The following MAN2A1 variants were observed in gnomAD, a reference collection of about 807,000 sequenced individuals.
MAN2A1 encodes alpha-mannosidase 2.
Under a neutral mutation model 142.6 loss-of-function variants are expected in MAN2A1, and 76 were observed. The observed-to-expected ratio is 0.53, with a 90% CI of 0.44 to 0.65. MAN2A1 has a LOEUF of 0.65. Ranked by LOEUF, MAN2A1 falls within the 30% of genes least tolerant of loss-of-function variation. The probability of loss-of-function intolerance (pLI) is 0.00; values close to 1 mark genes in which losing one functional copy is unlikely to be tolerated. For synonymous variants in MAN2A1, 559 were observed against 473.2 expected (o/e 1.18, Z -2.35); for missense variants, 1,311 against 1,365.1 (o/e 0.96, Z 0.62).
At chr5:109,748,148 A>G (rs1582854772) in intron 4 of MAN2A1, among the ~76,000 whole-genome samples, 1 of 152,108 alleles carries the variant, frequency 6.6e-6, no homozygotes. Flanking sequence ...TTTCTGACTT[A>G]TTTTCAGTGA....
At chr5:109,800,517 A>C (rs7728733) in intron 12 of MAN2A1, among the ~76,000 whole-genome samples, 117,250 of 152,130 alleles carry the variant, frequency 0.77, 46,150 homozygotes, top group East Asian at 0.94. Flanking sequence ...GAACTCTGGA[A>C]AAGGACGTGC....
chr5:109,700,473 C>CA (rs886479539), intron 1 of MAN2A1, among the ~76,000 whole-genome samples: 2 of 152,088 alleles, frequency 1.3e-5, no homozygotes, highest in African/African-American at 4.8e-5. Flanking sequence ...AGGAATGTGG[C>CA]ATTTATGGGT....
chr5:109,784,901 T>G lies in MAN2A1; in HGVS notation c.1735T>G (p.Trp579Gly). The change falls in exon 10 of 22, where the codon TGG becomes GGG. Residue 579 changes from tryptophan to glycine, a missense_variant. By Grantham distance (184) the Trp-to-Gly change is radical (BLOSUM62 -2). Coordinates refer to ENST00000261483, the MANE Select transcript of MAN2A1 (RefSeq NM_002372.4). ...TGCTATCACAGGAACTGCAAAAGAC[T>G]GGGTGGTTGTGGATTATGGTACCAG... is the stretch of plus-strand genomic sequence containing the variant. Reference protein sequence around the residue: ...HDAITGTAKDWVVVDYGTRLF... With the variant: ...HDAITGTAKDGVVVDYGTRLF... The G allele has an allele frequency of 2.1e-5, 33 of 1,598,068 alleles. No individual in the cohort carries two copies. The highest frequency in any genetic ancestry group is 2.6e-5 in the Non-Finnish European group (30 of 1,175,590).
intron 7 of MAN2A1, among the ~76,000 whole-genome samples, chr5:109,773,226 G>C (rs1225097419): frequency 6.6e-6 from 1 of 152,092 alleles, no homozygotes; most frequent in African/African-American, 2.4e-5. Context: ...TGGTTACTTG[G>C]CTTTCCCAGT....
At position 109,842,986 on chromosome 5, in the gene MAN2A1, A is replaced by G. The variant is rs1580309617; in HGVS notation, c.2700+525A>G. On this transcript the variant is annotated intron_variant, in intron 17 of 21. Coordinates refer to ENST00000261483, the MANE Select transcript of MAN2A1 (RefSeq NM_002372.4). ...ACACCCAGCTAATTTTTGTATTTTT[A>G]GCAGAGACACGGTTTCACCATGTTG... Among the ~76,000 whole-genome samples the G allele has an allele frequency of 2.0e-5, 3 of 151,748 alleles. No individual in the cohort carries two copies. In the East Asian group the frequency reaches 5.8e-4, roughly 30 times the overall value.
chr5:109,693,018 C>T (rs943607677), intron 1 of MAN2A1, among the ~76,000 whole-genome samples: 2 of 152,134 alleles, frequency 1.3e-5, no homozygotes, highest in African/African-American at 4.8e-5. Flanking sequence ...CCACTCACCT[C>T]CTGCTGTGTG....
intron 15 of MAN2A1, 84 bp downstream of exon 15, chr5:109,820,426 T>C: frequency 7.6e-7 from 1 of 1,309,916 alleles, no homozygotes; most frequent in Non-Finnish European, 1.1e-6. Context: ...TGTCATTATT[T>C]TATCATCTGT....
intron 12 of MAN2A1, among the ~76,000 whole-genome samples, chr5:109,792,944 T>G (rs538902920): frequency 1.3e-5 from 2 of 152,082 alleles, no homozygotes; most frequent in African/African-American, 2.4e-5. Context: ...ACAGCAAGAC[T>G]TCTTAAGACC....
chr5:109,741,488 G>A (rs899812608), intron 4 of MAN2A1, among the ~76,000 whole-genome samples: 4 of 152,144 alleles, frequency 2.6e-5, no homozygotes, highest in African/African-American at 9.7e-5. Context: ...GTGACTTCTA[G>A]TGTAATGCTT....
At chr5:109,831,697 T>G (rs575184005) in intron 16 of MAN2A1, among the ~76,000 whole-genome samples, 5 of 152,180 alleles carry the variant, frequency 3.3e-5, no homozygotes, top group Admixed American at 6.5e-5. Context: ...TATTTTCTCC[T>G]TATAATTACA....
intron 16 of MAN2A1, among the ~76,000 whole-genome samples, chr5:109,829,696 T>C (rs1172660866): frequency 6.6e-6 from 1 of 152,192 alleles, no homozygotes; most frequent in Non-Finnish European, 1.5e-5. Flanking sequence ...AAATTTCCAT[T>C]GAAAGCCCTG....
intron 19 of MAN2A1, 50 bp from the exon 20 acceptor site, chr5:109,855,090 T>G: frequency 3.1e-6 from 3 of 965,010 alleles, no homozygotes; most frequent in Non-Finnish European, 4.4e-6. Flanking sequence ...GTTAATATGA[T>G]GAGAACTGGA....
At chr5:109,755,492 G>T (rs754375783) in intron 5 of MAN2A1, 36 bp downstream of exon 5, 1 of 1,557,276 alleles carries the variant, frequency 6.4e-7, no homozygotes, top group East Asian at 2.3e-5. Flanking sequence ...GGGCTATTTT[G>T]GACAGTTAAT....
At chr5:109,805,103 A>G (rs1231943281) in intron 12 of MAN2A1, among the ~76,000 whole-genome samples, 1 of 152,186 alleles carries the variant, frequency 6.6e-6, no homozygotes, top group Non-Finnish European at 1.5e-5. Flanking sequence ...AGGAAATAGA[A>G]CATCTTAATG....
intron 15 of MAN2A1, among the ~76,000 whole-genome samples, chr5:109,821,801 C>T (rs1310828324): frequency 6.6e-6 from 1 of 151,874 alleles, no homozygotes; most frequent in Admixed American, 6.6e-5. Context: ...AAAATTAATC[C>T]TTTTCCCTAT....
intron 9 of MAN2A1, among the ~76,000 whole-genome samples, chr5:109,782,668 G>A (rs181621945): frequency 6.6e-6 from 1 of 151,978 alleles, no homozygotes; most frequent in African/African-American, 2.4e-5. Context: ...TTTTTATATG[G>A]TAGTTTTTTA....
chr5:109,691,632 T>C (rs1021330311), intron 1 of MAN2A1, among the ~76,000 whole-genome samples: 1 of 152,310 alleles, frequency 6.6e-6, no homozygotes, highest in African/African-American at 2.4e-5. Flanking sequence ...TTAATTGAGA[T>C]TAAAGTAAAA....
chr5:109,706,204 T>A (rs763025848), intron 1 of MAN2A1, among the ~76,000 whole-genome samples: 7 of 152,234 alleles, frequency 4.6e-5, no homozygotes, highest in Non-Finnish European at 1.0e-4. Context: ...AGAGAAGTTA[T>A]GTAACTTTGA....
chr5:109,857,386 C>T (rs539289027), intron 20 of MAN2A1, among the ~76,000 whole-genome samples: 28 of 152,210 alleles, frequency 1.8e-4, no homozygotes, highest in African/African-American at 6.5e-4. Flanking sequence ...CTAAAAGAAA[C>T]AGAAAGAATA....
Sources: gnomAD v4.1 joint callset for allele counts (sites outside exome capture counted in the v4.1 genomes callset) on GRCh38, gnomAD v4.1.1 for gene constraint, MANE v1.5 for transcripts, NCBI Gene and HGNC (gene_info 2026-07-23, HGNC 2026-07-21) for gene names.